KIFAP3: variants seen among roughly 807,000 people sequenced by gnomAD.
The protein encoded by KIFAP3 is kinesin associated protein 3.
A neutral mutation model predicts 106.5 loss-of-function variants in KIFAP3; 68 were observed. The ratio of observed to expected loss-of-function variants is 0.64; its 90% CI spans 0.53 to 0.78. The LOEUF (loss-of-function observed/expected upper bound fraction) is 0.78. Ranked by LOEUF, KIFAP3 falls within the 30% of genes least tolerant of loss-of-function variation. The pLI is 0.00. For synonymous variants in KIFAP3, 320 were observed against 311.5 expected (o/e 1.03, Z -0.29); for missense variants, 780 against 941.8 (o/e 0.83, Z 2.25).
chr1:170,073,113 T>C (rs12090220), intron 1 of KIFAP3, among the ~76,000 whole-genome samples: 2,729 of 152,360 alleles, frequency 0.018, 79 homozygotes, highest in African/African-American at 0.062. Flanking sequence ...AGCGGCTCTT[T>C]GTTCCAGAAC....
At position 170,034,480 on chromosome 1, in the gene KIFAP3, C is replaced by A; in HGVS notation, c.634G>T (p.Gly212Ter). 2 of 1,463,220 alleles carry A rather than the reference C, an allele frequency of 1.4e-6. No individual in the cohort carries two copies. Among genetic ancestry groups the A allele is most frequent in the African/African-American group, 1.4e-5 (1 of 70,038 alleles). The allele number at this position is 1,463,220 out of a possible 1,614,324, so 90.6% of individuals were successfully genotyped here. ...CCAATTTTATAGTGAGTAATAAGTC[C>A]ATGAAATTGAGAAAAGCTTTAAAGA... is the stretch of plus-strand genomic sequence containing the variant. ...FCFSSFSQFH[G>*]LITHYKIGAL... is the part of the protein sequence containing the mutation. Residue 212 changes from glycine to a stop codon, truncating the protein, a stop_gained, in exon 7 of 20, where the codon GGA (glycine) becomes TGA (stop). Transcript: ENST00000361580. LOFTEE classifies it high-confidence loss of function.
At chr1:170,072,465 T>C (rs1671749990) in intron 1 of KIFAP3, among the ~76,000 whole-genome samples, 1 of 152,132 alleles carries the variant, frequency 6.6e-6, no homozygotes, top group Non-Finnish European at 1.5e-5. Context: ...GAAAGCTTTC[T>C]GGAAAAAGTG....
intron 19 of KIFAP3, among the ~76,000 whole-genome samples, chr1:169,947,649 T>A (rs542542319): frequency 6.6e-6 from 1 of 151,900 alleles, no homozygotes; most frequent in African/African-American, 2.4e-5. Flanking sequence ...TATAATGTTT[T>A]AATACATGAA....
upstream of KIFAP3, among the ~76,000 whole-genome samples, chr1:170,079,010 T>G (rs1325183673): frequency 6.6e-6 from 1 of 152,214 alleles, no homozygotes; most frequent in Non-Finnish European, 1.5e-5. Context: ...AATAATTAAT[T>G]TGCCATATTG....
intron 10 of KIFAP3, among the ~76,000 whole-genome samples, chr1:170,010,590 C>CT (rs140169307): frequency 0.011 from 1,662 of 151,864 alleles, 29 homozygotes; most frequent in African/African-American, 0.038. Context: ...TCCAAGTAAA[C>CT]TTTGAGTGAA....
At chr1:170,061,315 A>G (rs1327852912) in intron 1 of KIFAP3, among the ~76,000 whole-genome samples, 1 of 138,712 alleles carries the variant, frequency 7.2e-6, no homozygotes, top group Non-Finnish European at 1.6e-5. Context: ...CAAATTTACA[A>G]GAAAAAATCA....
intron 18 of KIFAP3, among the ~76,000 whole-genome samples, chr1:169,957,619 C>CT (rs201170533): frequency 0.016 from 2,399 of 148,934 alleles, 57 homozygotes; most frequent in African/African-American, 0.053. Flanking sequence ...AAATACAGTT[C>CT]TTTTTTTTTT....
intron 10 of KIFAP3, among the ~76,000 whole-genome samples, chr1:170,004,729 T>G (rs1228059852): frequency 1.3e-5 from 2 of 151,202 alleles, no homozygotes; most frequent in Admixed American, 6.6e-5. Flanking sequence ...AAGACTTAAA[T>G]GTTAGACCTA....
In KIFAP3 at chr1:169,927,793, A is replaced by G. The variant is rs16862764; in HGVS notation, c.2274-6012T>C. Among the ~76,000 whole-genome samples, 154 of 152,316 alleles carry G rather than the reference A, an allele frequency of 1.0e-3. 3 individuals are homozygous for G. The East Asian group carries it at 0.027, about 27-fold the overall frequency. ...TTGTTATGGTTAAAGTTTTAGATTTATGATATAAGCAAATGGCAGGAGATA... is the reference window on the plus strand; with the variant it reads ...TTGTTATGGTTAAAGTTTTAGATTTGTGATATAAGCAAATGGCAGGAGATA... On this transcript the variant is annotated intron_variant, in intron 19 of 19. Transcript: ENST00000361580.
intron 19 of KIFAP3, among the ~76,000 whole-genome samples, chr1:169,948,529 G>T (rs1012728235): frequency 2.0e-5 from 3 of 151,930 alleles, no homozygotes; most frequent in Admixed American, 2.0e-4. Context: ...TTACAATGCT[G>T]AACAAATGGT....
chr1:170,082,334 A>C (rs116123007), intron 1 of KIFAP3, among the ~76,000 whole-genome samples: 3,344 of 152,292 alleles, frequency 0.022, 136 homozygotes, highest in African/African-American at 0.076. Context: ...ATATGGTTTG[A>C]TTCCATTTAT....
At chr1:170,012,835 A>C (rs1668308695) in intron 10 of KIFAP3, among the ~76,000 whole-genome samples, 1 of 152,200 alleles carries the variant, frequency 6.6e-6, no homozygotes, top group African/African-American at 2.4e-5. Flanking sequence ...ACATGGTGGC[A>C]GACAAGAAGA....
intron 16 of KIFAP3, among the ~76,000 whole-genome samples, 157 bp from the exon 17 acceptor site, chr1:169,972,755 A>C (rs573255933): frequency 6.6e-6 from 1 of 151,964 alleles, no homozygotes; most frequent in African/African-American, 2.4e-5. Context: ...AAAAACACTT[A>C]ATGTTTCATT....
chr1:169,973,627 C>A (rs1371717773), intron 16 of KIFAP3, among the ~76,000 whole-genome samples: 3 of 151,496 alleles, frequency 2.0e-5, no homozygotes, highest in Non-Finnish European at 4.4e-5. Context: ...GACTTTATCA[C>A]AGATAACAAT....
Position 169,961,174 on chromosome 1 carries a change from TGA to T in KIFAP3, c.2043_2044del (p.Gln682ValfsTer12). 2 of 1,613,612 alleles carry T rather than the reference TGA, an allele frequency of 1.2e-6. No homozygotes were observed. The highest frequency in any genetic ancestry group is 1.7e-6 in the Non-Finnish European group (2 of 1,179,700). ...ACGACTCTCTACCATCTCCAGCCAC[TGA>T]GAGTTATGCCAGCGAAACTTTTCAC... On this transcript the variant is annotated frameshift_variant, in exon 18 of 20. Transcript: ENST00000361580. LOFTEE classifies it high-confidence loss of function.
intron 1 of KIFAP3, among the ~76,000 whole-genome samples, chr1:170,073,348 A>G (rs548850124): frequency 6.6e-4 from 101 of 152,336 alleles, no homozygotes; most frequent in Middle Eastern, 3.4e-3. Flanking sequence ...CTGTCTTGCC[A>G]GGACAATAGA....
At chr1:170,077,712 C>A (rs1266870091), upstream of KIFAP3, among the ~76,000 whole-genome samples, 1 of 152,134 alleles carries the variant, frequency 6.6e-6, no homozygotes, top group Non-Finnish European at 1.5e-5. Context: ...TTGGAGTCGC[C>A]TTATCCCCAC....
chr1:169,968,807 C>A (rs1039349946), intron 17 of KIFAP3, among the ~76,000 whole-genome samples: 7 of 147,508 alleles, frequency 4.7e-5, no homozygotes, highest in African/African-American at 1.7e-4. Context: ...TGCATGGGTT[C>A]TTTTAAGTCC....
intron 1 of KIFAP3, among the ~76,000 whole-genome samples, chr1:170,060,214 AGTCAAATT>A (rs982402361): frequency 6.6e-6 from 1 of 152,222 alleles, no homozygotes; most frequent in Non-Finnish European, 1.5e-5. Flanking sequence ...GAAAAGAGGA[AGTCAAATT>A]GTCCCTGTTT....
Sources: allele counts gnomAD v4.1 joint callset (sites outside exome capture counted in the v4.1 genomes callset), GRCh38; gene constraint gnomAD v4.1.1; transcripts MANE v1.5; gene names NCBI Gene and HGNC (gene_info 2026-07-23, HGNC 2026-07-21).